PPRC1: variants seen among roughly 807,000 people sequenced by gnomAD.
PPRC1 encodes the protein peroxisome proliferator-activated receptor gamma coactivator-related protein 1.
PPRC1 carries 23 observed loss-of-function variants against 132.5 expected under a neutral mutation model. That is an observed-to-expected ratio of 0.17 (90% CI 0.12 to 0.25). The LOEUF is 0.25. Ranked by LOEUF, PPRC1 falls within the 10% of genes least tolerant of loss-of-function variation. The pLI, the probability that PPRC1 is intolerant of heterozygous loss-of-function variation, is 1.00. For missense variants in PPRC1, 2,006 were observed against 2,089.1 expected (o/e 0.96, Z 0.78); for synonymous variants, 872 against 833.5 (o/e 1.05, Z -0.80).
chr10:102,148,724 G>A lies in PPRC1; in HGVS notation c.4617+30G>A. ...GTAGAGGAACAGATCATGGGAGGAT[G>A]GGGCTTACCCCCTGAGCCTTGAGCT... On this transcript the variant is annotated intron_variant, in intron 11 of 13. Transcript: ENST00000278070. The surrounding 1 kb of genome is among the most constrained non-coding windows in gnomAD (Gnocchi z 4.2). The A allele has an allele frequency of 6.2e-7, 1 of 1,614,072 alleles. No individual in the cohort carries two copies. The highest frequency in any genetic ancestry group is 8.5e-7 in the Non-Finnish European group (1 of 1,179,904).
chr10:102,145,302 C>T (rs1401130331), intron 8 of PPRC1, among the ~76,000 whole-genome samples: 1 of 152,242 alleles, frequency 6.6e-6, no homozygotes, highest in Non-Finnish European at 1.5e-5. Context: ...CGCAGTGGCT[C>T]GCGCCTGTAA....
At chr10:102,144,733 T>G in intron 7 of PPRC1, 1 of 490,448 alleles carries the variant, frequency 2.0e-6, no homozygotes, top group Non-Finnish European at 3.7e-6. Flanking sequence ...CCCCTCCACA[T>G]TGATTTCAGG....
intron 6 of PPRC1, 33 bp downstream of exon 6, chr10:102,143,131 T>C: frequency 1.3e-6 from 2 of 1,588,318 alleles, no homozygotes; most frequent in South Asian, 1.1e-5. Flanking sequence ...GCTCCAACTC[T>C]TTTTTTGGTG....
chr10:102,133,007 C>T (rs770368636), upstream of PPRC1: 7 of 1,235,818 alleles, frequency 5.7e-6, no homozygotes, highest in Non-Finnish European at 7.1e-6. Flanking sequence ...GTTCCTTTCC[C>T]ACAATCGGCT....
Position 102,140,358 on chromosome 10 carries a change from C to T in PPRC1, c.1850C>T (p.Thr617Ile), listed in dbSNP as rs774432889. Residue 617 changes from threonine (T) to isoleucine (I), a missense_variant, in exon 5 of 14, where the codon ACC (threonine) becomes ATC (isoleucine). This residue lies in a region of PPRC1 where 1,914 missense variants were observed against 1,917.2 expected (regional missense o/e 1.00). Coordinates refer to ENST00000278070, the MANE Select transcript of PPRC1 (RefSeq NM_015062.5). ...CCTGGGTTGGTTGACCTTGCTTCAA[C>T]CAGCTCAGAACTGGTTGAGCCTCTC... Reference protein sequence around the residue: ...VDPGLVDLASTSSELVEPLPA... With the variant: ...VDPGLVDLASISSELVEPLPA... The T allele has an allele frequency of 1.9e-6, 3 of 1,614,178 alleles. No individual in the cohort carries two copies. The Admixed American group carries it at 5.0e-5, about 27-fold the overall frequency.
At chr10:102,144,441 C>A in intron 7 of PPRC1, 134 bp downstream of exon 7, 2 of 820,716 alleles carry the variant, frequency 2.4e-6, no homozygotes, top group South Asian at 1.7e-5. Context: ...TGTTTCCCCA[C>A]CCCTTACTCT....
the PPRC1 span, among the ~76,000 whole-genome samples, chr10:102,121,926 C>T: frequency 6.6e-6 from 1 of 152,128 alleles, no homozygotes; most frequent in Non-Finnish European, 1.5e-5. Flanking sequence ...GACCTCTTCT[C>T]TCCACCTTAG....
the PPRC1 span, among the ~76,000 whole-genome samples, chr10:102,121,522 C>T: frequency 6.6e-6 from 1 of 152,074 alleles, no homozygotes; most frequent in African/African-American, 2.4e-5. Context: ...CTCCCCAACC[C>T]AGCCCTAGGA....
At position 102,140,083 on chromosome 10, in the gene PPRC1, T is replaced by C. The variant is rs760682951; in HGVS notation, c.1575T>C (p.Ala525=). Reference sequence around the variant, plus strand: ...GTAAGGGGAAGCCCCGGGCTTGGGCTCGGGCCTGGGCAGCTGCCTTGGAGA... The same window carrying C: ...GTAAGGGGAAGCCCCGGGCTTGGGCCCGGGCCTGGGCAGCTGCCTTGGAGA... ...LQGKGKPRAW[A]RAWAAALENS... The change falls in exon 5 of 14, where the codon GCT becomes GCC. Residue 525 remains alanine, a synonymous_variant. Transcript: ENST00000278070. The C allele has an allele frequency of 1.9e-6, 3 of 1,614,242 alleles. No homozygotes were observed. The highest frequency in any genetic ancestry group is 2.5e-6 in the Non-Finnish European group (3 of 1,180,036).
Position 102,139,527 on chromosome 10 carries a change from C to G in PPRC1, c.1019C>G (p.Pro340Arg). The change falls in exon 5 of 14, where the codon CCT becomes CGT. Residue 340 changes from proline (P) to arginine (R), a missense_variant. Physicochemically the swap from Pro to Arg is moderately radical, Grantham distance 103. Around this residue, in one of 2 missense-constraint regions of PPRC1, gnomAD observed 1,914 missense variants for 1,917.2 expected, o/e 1.00. Transcript: ENST00000278070. ...LQEQPDDLTL[P>R]EGCVVLEIVG... The stretch of plus-strand genomic sequence containing the variant: ...GAGCAGCCAGATGATTTGACACTGC[C>G]TGAGGGCTGCGTAGTGCTGGAGATT... 1 of 1,614,000 alleles carries G rather than the reference C, an allele frequency of 6.2e-7. No homozygotes were observed. The highest frequency in any genetic ancestry group is 1.1e-5 in the South Asian group (1 of 91,084).
chr10:102,126,699 T>C, the PPRC1 span, among the ~76,000 whole-genome samples: 1 of 151,946 alleles, frequency 6.6e-6, no homozygotes, highest in Non-Finnish European at 1.5e-5. Context: ...CCTCAGGTGA[T>C]CCGCCTGCCT....
rs748676604 is a variant in PPRC1 at position 102,139,831 on chromosome 10, G to A, written c.1323G>A (p.Glu441=). The change falls in exon 5 of 14, where the codon GAG becomes GAA. Residue 441 remains glutamate, a synonymous_variant. Transcript: ENST00000278070. ...TCGTGGAGCCGGTGGTGCCCAAGGA[G>A]CCTCAGAACCCACCTGCCAATGCAG... is the stretch of plus-strand genomic sequence containing the variant. ...REVVEPVVPK[E]PQNPPANAAP... is the part of the protein sequence containing the mutation. 2 of 1,614,108 alleles carry A rather than the reference G, an allele frequency of 1.2e-6. No individual in the cohort carries two copies. Among genetic ancestry groups the A allele is most frequent in the East Asian group, 2.2e-5 (1 of 44,880 alleles).
chr10:102,129,036 TCTC>T (rs372468849), upstream of PPRC1, among the ~76,000 whole-genome samples: 18 of 148,046 alleles, frequency 1.2e-4, no homozygotes, highest in African/African-American at 4.3e-4. Context: ...TTCACGCCAT[TCTC>T]CTGCCTCAGC....
At chr10:102,146,591 C>T (rs2069254518) in intron 8 of PPRC1, 81 bp from the exon 9 acceptor site, 3 of 1,489,488 alleles carry the variant, frequency 2.0e-6, no homozygotes, top group Non-Finnish European at 2.7e-6. Context: ...AGGTGGGGGT[C>T]TCTGGAGGCT....
intron 7 of PPRC1, 48 bp from the exon 8 acceptor site, chr10:102,144,972 A>G (rs1425257389): frequency 1.4e-6 from 2 of 1,449,910 alleles, no homozygotes; most frequent in East Asian, 2.3e-5. Flanking sequence ...AATGTATAAG[A>G]TATTGAGAAG....
the PPRC1 span, among the ~76,000 whole-genome samples, chr10:102,121,345 G>A: frequency 6.6e-6 from 1 of 152,152 alleles, no homozygotes; most frequent in Non-Finnish European, 1.5e-5. Context: ...GTCCTTTGAG[G>A]GCTTCGGAGA....
At chr10:102,145,593 G>A (rs1009748347) in intron 8 of PPRC1, among the ~76,000 whole-genome samples, 2 of 149,052 alleles carry the variant, frequency 1.3e-5, no homozygotes, top group Non-Finnish European at 3.0e-5. Context: ...TGTCGGGCGC[G>A]GTGGCCCACG....
Position 102,139,285 on chromosome 10 carries a change from T to G in PPRC1, c.777T>G (p.Ile259Met), listed in dbSNP as rs1459605997. 9.9e-6 allele frequency: 16 copies of G among 1,614,188 alleles called. No homozygotes were observed. The highest frequency in any genetic ancestry group is 1.4e-5 in the Non-Finnish European group (16 of 1,180,030). The change falls in exon 5 of 14, where the codon ATT becomes ATG. Residue 259 changes from isoleucine (I) to methionine (M), a missense_variant. By Grantham distance (10) the Ile-to-Met change is conservative. Around this residue, in one of 2 missense-constraint regions of PPRC1, gnomAD observed 1,914 missense variants for 1,917.2 expected, o/e 1.00. Transcript: ENST00000278070. ...AGGTGGCCAGCTTCAGTGGCCAGATTCTTGCCGGGGAGCTTGACAACTGTG... is the reference window on the plus strand; with the variant it reads ...AGGTGGCCAGCTTCAGTGGCCAGATGCTTGCCGGGGAGCTTGACAACTGTG... ...EEEVASFSGQ[I>M]LAGELDNCVS...
intron 3 of PPRC1, 48 bp from the exon 4 acceptor site, chr10:102,138,831 T>A (rs2068822396): frequency 6.2e-7 from 1 of 1,611,784 alleles, no homozygotes; most frequent in Non-Finnish European, 8.5e-7. Context: ...GACCTACTCA[T>A]ATAGCTCTGA....
Sources: allele counts gnomAD v4.1 joint callset (sites outside exome capture counted in the v4.1 genomes callset), GRCh38; gene constraint gnomAD v4.1.1; regional missense constraint gnomAD v4.1.1; non-coding constraint Gnocchi (gnomAD v3.1); transcripts MANE v1.5; gene names NCBI Gene and HGNC (gene_info 2026-07-23, HGNC 2026-07-21).